SDK1: variants seen among roughly 807,000 people sequenced by gnomAD.
SDK1 encodes sidekick cell adhesion molecule 1, also known as protein sidekick-1.
SDK1 carries 157 observed loss-of-function variants against 245.5 expected under a neutral mutation model. That is an observed-to-expected ratio of 0.64 (90% CI 0.56 to 0.73). SDK1 has a LOEUF of 0.73. Ranked by LOEUF, SDK1 falls within the 30% of genes least tolerant of loss-of-function variation. The pLI is 0.00. For synonymous variants in SDK1, 1,647 were observed against 1,278.5 expected (o/e 1.29, Z -6.15); for missense variants, 3,583 against 3,002.3 (o/e 1.19, Z -4.52).
intron 5 of SDK1, 31 bp downstream of exon 5, chr7:3,821,614 G>T (rs375744884): frequency 6.2e-7 from 1 of 1,606,462 alleles, no homozygotes; most frequent in Non-Finnish European, 8.5e-7. Context: ...TGGTAATTCT[G>T]CAAGCAATAA....
chr7:3,490,705 T>A (rs1229237679), intron 1 of SDK1, among the ~76,000 whole-genome samples: 1 of 152,200 alleles, frequency 6.6e-6, no homozygotes, highest in Admixed American at 6.5e-5. Flanking sequence ...ATCCACATCC[T>A]TAAATGAGGC....
intron 21 of SDK1, among the ~76,000 whole-genome samples, chr7:4,078,970 G>T (rs35720320): frequency 0.32 from 47,961 of 151,878 alleles, 10,346 homozygotes; most frequent in African/African-American, 0.62. Context: ...CGTCGCCTGG[G>T]AGCAGGCGAT....
rs55993197 is a variant in SDK1, at chr7:4,099,531, A to T, written c.3325-11132A>T. Among the ~76,000 whole-genome samples, 915 of 97,082 alleles carry T rather than the reference A, an allele frequency of 9.4e-3. 15 individuals are homozygous for T. Among genetic ancestry groups the T allele is most frequent in the African/African-American group, 0.034 (893 of 26,024 alleles). The allele number at this position is 97,082 out of a possible 152,430, so 63.7% of individuals were successfully genotyped here. On this transcript the variant is annotated intron_variant, in intron 22 of 44. Coordinates refer to ENST00000404826, the MANE Select transcript of SDK1 (RefSeq NM_152744.4). ...AGATGCCCAGCCCCAGTGACAGGACAGAGGCATGAAGCCCTGAGTGTGAGC... is the reference window on the plus strand; with the variant it reads ...AGATGCCCAGCCCCAGTGACAGGACTGAGGCATGAAGCCCTGAGTGTGAGC...
intron 1 of SDK1, among the ~76,000 whole-genome samples, chr7:3,323,791 C>G (rs568529325): frequency 1.3e-5 from 2 of 152,328 alleles, no homozygotes; most frequent in South Asian, 4.1e-4. Context: ...AGTGAGATCT[C>G]ATCTTTAGTT....
chr7:3,972,768 G>T (rs1782591219), intron 12 of SDK1, among the ~76,000 whole-genome samples: 1 of 152,192 alleles, frequency 6.6e-6, no homozygotes, highest in Admixed American at 6.5e-5. Context: ...TCTTGAGCGG[G>T]TGTTTGGCCA....
At chr7:3,856,159 G>A (rs924565407) in intron 5 of SDK1, among the ~76,000 whole-genome samples, 1 of 152,120 alleles carries the variant, frequency 6.6e-6, no homozygotes, top group Non-Finnish European at 1.5e-5. Flanking sequence ...TTGCTCAAGG[G>A]AAGGATATGC....
At chr7:3,775,020 CTCG>C (rs1780512745) in intron 4 of SDK1, among the ~76,000 whole-genome samples, 1 of 152,178 alleles carries the variant, frequency 6.6e-6, no homozygotes, top group African/African-American at 2.4e-5. Context: ...CTGGACAGTG[CTCG>C]GCGCTGATCG....
At chr7:4,170,066 T>A (rs1314526804) in intron 32 of SDK1, among the ~76,000 whole-genome samples, 1 of 152,128 alleles carries the variant, frequency 6.6e-6, no homozygotes, top group South Asian at 2.1e-4. Context: ...TTTCCATCCA[T>A]TGTATTTCTT....
At chr7:3,612,196 A>C (rs1781615950) in intron 1 of SDK1, among the ~76,000 whole-genome samples, 1 of 152,114 alleles carries the variant, frequency 6.6e-6, no homozygotes, top group South Asian at 2.1e-4. Flanking sequence ...TAAAGAACTT[A>C]CTCGTGTAAC....
At chr7:3,917,651 G>T (rs1303253517) in intron 5 of SDK1, among the ~76,000 whole-genome samples, 1 of 152,182 alleles carries the variant, frequency 6.6e-6, no homozygotes, top group Non-Finnish European at 1.5e-5. Context: ...CCCAGGGTTA[G>T]AGGAACGTCT....
chr7:3,411,328 A>G (rs147842050), intron 1 of SDK1, among the ~76,000 whole-genome samples: 1 of 152,350 alleles, frequency 6.6e-6, no homozygotes, highest in East Asian at 1.9e-4. Flanking sequence ...TTGGAGTCAC[A>G]TTTTGGTGTT....
Position 4,146,712 on chromosome 7 carries a change from A to G in SDK1, c.4423+796A>G, listed in dbSNP as rs146382257. ...TGCTCAGTAAGTAAGTTTTCCAAATAACTGCCTTCCCAATGAGAACTGCCG... is the reference window on the plus strand; with the variant it reads ...TGCTCAGTAAGTAAGTTTTCCAAATGACTGCCTTCCCAATGAGAACTGCCG... On this transcript the variant is annotated intron_variant, in intron 29 of 44. Coordinates refer to ENST00000404826, the MANE Select transcript of SDK1 (RefSeq NM_152744.4). Among the ~76,000 whole-genome samples the G allele has an allele frequency of 1.3e-3, 197 of 152,350 alleles. 1 individual carries two copies. The highest frequency in any genetic ancestry group is 4.6e-3 in the African/African-American group (192 of 41,584).
At chr7:3,597,257 G>C (rs916970913) in intron 1 of SDK1, among the ~76,000 whole-genome samples, 1 of 127,542 alleles carries the variant, frequency 7.8e-6, no homozygotes, top group African/African-American at 3.0e-5. Flanking sequence ...GGTCGACAGA[G>C]TAAGACTTGG....
rs183243907 is a variant in SDK1, at chr7:3,691,035, T to G, written c.713+48930T>G. On this transcript the variant is annotated intron_variant, in intron 4 of 44. Transcript: ENST00000404826. Reference sequence around the variant, plus strand: ...GATTTTGTCCTTCAAAGAAAATTATTTGGAAGAAAAAATTTTCAACTTATT... The same window carrying G: ...GATTTTGTCCTTCAAAGAAAATTATGTGGAAGAAAAAATTTTCAACTTATT... Among the ~76,000 whole-genome samples, 592 of 152,314 alleles carry G rather than the reference T, an allele frequency of 3.9e-3. 2 individuals are homozygous for G. Among genetic ancestry groups the G allele is most frequent in the Middle Eastern group, 0.02 (6 of 294 alleles).
chr7:4,055,278 T>G (rs1779125051), intron 19 of SDK1, among the ~76,000 whole-genome samples: 1 of 152,194 alleles, frequency 6.6e-6, no homozygotes, highest in Non-Finnish European at 1.5e-5. Flanking sequence ...TAAATGGTTT[T>G]AGGACTATCC....
rs976475045 is a variant in SDK1, at chr7:3,455,112, C to T, written c.298+153228C>T. ...GATATCATATGATATCTGTTCGTGT[C>T]ATTTGTCCATTTTGTAATTGGATTT... On this transcript the variant is annotated intron_variant, in intron 1 of 44. Transcript: ENST00000404826. Among the ~76,000 whole-genome samples, 6 of 151,058 alleles carry T rather than the reference C, an allele frequency of 4.0e-5. No homozygotes were observed. The South Asian group carries it at 8.3e-4, about 21-fold the overall frequency.
chr7:3,697,744 G>T (rs1381485654), intron 4 of SDK1, among the ~76,000 whole-genome samples: 1 of 152,020 alleles, frequency 6.6e-6, no homozygotes. Flanking sequence ...TGCTTTTATT[G>T]TTGTCACCAG....
At chr7:3,900,737 T>C (rs1441215816) in intron 5 of SDK1, among the ~76,000 whole-genome samples, 1 of 151,320 alleles carries the variant, frequency 6.6e-6, no homozygotes, top group Non-Finnish European at 1.5e-5. Flanking sequence ...CCCCTCTCCA[T>C]TTCCCTCCCC....
At chr7:4,137,211 C>T (rs1779151451) in intron 28 of SDK1, among the ~76,000 whole-genome samples, 1 of 152,230 alleles carries the variant, frequency 6.6e-6, no homozygotes, top group South Asian at 2.1e-4. Context: ...ATGAGAATGG[C>T]TTGAACCCGG....
Sources: allele counts gnomAD v4.1 joint callset (sites outside exome capture counted in the v4.1 genomes callset), GRCh38; gene constraint gnomAD v4.1.1; transcripts MANE v1.5; gene names NCBI Gene and HGNC (gene_info 2026-07-23, HGNC 2026-07-21).